GRIK2: variants seen among roughly 807,000 people sequenced by gnomAD.
The protein encoded by GRIK2 is glutamate receptor ionotropic, kainate 2.
GRIK2 carries 32 observed loss-of-function variants against 100.3 expected under a neutral mutation model. The ratio of observed to expected loss-of-function variants is 0.32; its 90% CI spans 0.24 to 0.43. GRIK2 has a LOEUF of 0.43. Ranked by LOEUF, GRIK2 falls within the 20% of genes least tolerant of loss-of-function variation. GRIK2 has a pLI of 1.00. For synonymous variants in GRIK2, 417 were observed against 389.4 expected (o/e 1.07, Z -0.83); for missense variants, 843 against 1,114.9 (o/e 0.76, Z 3.47).
chr6:101,655,104 T>C (rs1041289975), intron 4 of GRIK2, among the ~76,000 whole-genome samples: 8 of 152,178 alleles, frequency 5.3e-5, no homozygotes, highest in African/African-American at 1.9e-4. Context: ...TTTCCACATT[T>C]CTCTGATTTT....
At chr6:101,971,021 A>G (rs145371384) in intron 14 of GRIK2, among the ~76,000 whole-genome samples, 2 of 151,036 alleles carry the variant, frequency 1.3e-5, no homozygotes, top group East Asian at 3.9e-4. Context: ...TGATTTCCAT[A>G]GTATTTATCA....
chr6:101,950,440 CA>C (rs927711112), intron 14 of GRIK2, among the ~76,000 whole-genome samples: 1 of 152,160 alleles, frequency 6.6e-6, no homozygotes, highest in African/African-American at 2.4e-5. Flanking sequence ...TTATCAATCT[CA>C]GGATCCAAAA....
chr6:101,910,564 A>G (rs570886213), intron 12 of GRIK2, among the ~76,000 whole-genome samples: 22 of 151,460 alleles, frequency 1.5e-4, no homozygotes, highest in African/African-American at 4.6e-4. Flanking sequence ...GTAAATACAT[A>G]GTACTTATTT....
chr6:101,566,037 T>A (rs1344567656), intron 2 of GRIK2, among the ~76,000 whole-genome samples: 15 of 150,124 alleles, frequency 1.0e-4, no homozygotes, highest in Non-Finnish European at 1.8e-4. Flanking sequence ...AGATAGTGGA[T>A]CATTGTAAAG....
chr6:101,527,338 G>C (rs1219846608), intron 2 of GRIK2, among the ~76,000 whole-genome samples: 1 of 152,060 alleles, frequency 6.6e-6, no homozygotes, highest in African/African-American at 2.4e-5. Flanking sequence ...TCAGATTAGA[G>C]GCCCATAGCC....
chr6:101,468,261 C>T (rs1447254040), intron 2 of GRIK2, among the ~76,000 whole-genome samples: 1 of 152,168 alleles, frequency 6.6e-6, no homozygotes. Context: ...ACAGAAAGAA[C>T]TATAACAGCA....
intron 14 of GRIK2, among the ~76,000 whole-genome samples, chr6:101,972,801 G>C (rs1045892705): frequency 6.6e-6 from 1 of 151,924 alleles, no homozygotes; most frequent in African/African-American, 2.4e-5. Context: ...CTTGAATAGA[G>C]AGTCCCTTTC....
In GRIK2 at chr6:101,677,957, G is replaced by T. The variant is rs181104892; in HGVS notation, c.723+1153G>T. ...TATCTTTGGATAATGAAGCATATGAGAGTTTTTGGGTTTTTTTGGCAACAA... is the reference window on the plus strand; with the variant it reads ...TATCTTTGGATAATGAAGCATATGATAGTTTTTGGGTTTTTTTGGCAACAA... On this transcript the variant is annotated intron_variant, in intron 5 of 16. Transcript: ENST00000369134. Among the ~76,000 whole-genome samples, 3 of 152,232 alleles carry T rather than the reference G, an allele frequency of 2.0e-5. No individual in the cohort carries two copies. In the East Asian group the frequency reaches 5.8e-4, roughly 29 times the overall value.
At chr6:102,064,266 C>CTCTCCTTCTCCTTCTCT (rs1389405411) in intron 16 of GRIK2, among the ~76,000 whole-genome samples, 2 of 149,514 alleles carry the variant, frequency 1.3e-5, no homozygotes, top group African/African-American at 4.9e-5. Context: ...CTTCTCCTCC[C>CTCTCCTTCTCCTTCTCT]TCTCCTTCTC....
At chr6:101,486,554 C>G (rs565759068) in intron 2 of GRIK2, among the ~76,000 whole-genome samples, 1 of 152,078 alleles carries the variant, frequency 6.6e-6, no homozygotes, top group South Asian at 2.1e-4. Flanking sequence ...TTAGGACCAC[C>G]TTAACCAATT....
At chr6:101,652,883 A>G (rs1207589824) in intron 4 of GRIK2, among the ~76,000 whole-genome samples, 1 of 151,854 alleles carries the variant, frequency 6.6e-6, no homozygotes, top group Non-Finnish European at 1.5e-5. Flanking sequence ...AGGAGTTGAA[A>G]TGCGTTTGTG....
chr6:101,565,915 T>TTATATATATATATATA (rs71797313), intron 2 of GRIK2, among the ~76,000 whole-genome samples: 22 of 123,294 alleles, frequency 1.8e-4, no homozygotes, highest in African/African-American at 4.5e-4. Context: ...TATACCTATT[T>TTATATATATATATATA]TATATATATA....
chr6:101,460,407 G>A (rs914713606), intron 2 of GRIK2, among the ~76,000 whole-genome samples: 2 of 152,184 alleles, frequency 1.3e-5, no homozygotes, highest in African/African-American at 4.8e-5. Context: ...GAATTGGGAA[G>A]TTTGTTTCTT....
chr6:101,921,854 A>G (rs1443828676), intron 12 of GRIK2, among the ~76,000 whole-genome samples: 3 of 151,882 alleles, frequency 2.0e-5, no homozygotes, highest in Non-Finnish European at 2.9e-5. Flanking sequence ...ATTGGAGACC[A>G]TTTTTCTTAG....
At chr6:102,011,502 T>G (rs1795529565) in intron 14 of GRIK2, among the ~76,000 whole-genome samples, 1 of 151,916 alleles carries the variant, frequency 6.6e-6, no homozygotes, top group Non-Finnish European at 1.5e-5. Context: ...CTTGACATTG[T>G]CTTTTGCAGA....
At chr6:101,429,084 A>T (rs1272351944) in intron 2 of GRIK2, among the ~76,000 whole-genome samples, 1 of 152,186 alleles carries the variant, frequency 6.6e-6, no homozygotes, top group Admixed American at 6.5e-5. Context: ...CAATCTAATT[A>T]TATGTTCTCT....
intron 14 of GRIK2, among the ~76,000 whole-genome samples, chr6:102,014,695 C>T (rs1020224389): frequency 6.6e-6 from 1 of 152,070 alleles, no homozygotes; most frequent in African/African-American, 2.4e-5. Flanking sequence ...TTATTTACTG[C>T]AAAGTCATTC....
chr6:101,788,444 G>T (rs1779589542), intron 7 of GRIK2, among the ~76,000 whole-genome samples: 1 of 151,622 alleles, frequency 6.6e-6, no homozygotes, highest in South Asian at 2.1e-4. Flanking sequence ...CCATCTATGA[G>T]TGAGAACATG....
At chr6:101,492,171 T>C (rs1467184047) in intron 2 of GRIK2, among the ~76,000 whole-genome samples, 1 of 151,946 alleles carries the variant, frequency 6.6e-6, no homozygotes, top group Non-Finnish European at 1.5e-5. Flanking sequence ...GAAAGTCTTA[T>C]ATCTAGATTA....
Sources: gnomAD v4.1 joint callset for allele counts (sites outside exome capture counted in the v4.1 genomes callset) on GRCh38, gnomAD v4.1.1 for gene constraint, MANE v1.5 for transcripts, NCBI Gene and HGNC (gene_info 2026-07-23, HGNC 2026-07-21) for gene names.